The following DDX19B variants were observed in gnomAD, a reference collection of about 807,000 sequenced individuals.
DDX19B encodes the protein DEAD-box helicase 19B, also known as ATP-dependent RNA helicase DDX19B.
A neutral mutation model predicts 58.1 loss-of-function variants in DDX19B; 27 were observed. That is an observed-to-expected ratio of 0.46 (90% confidence interval 0.34 to 0.64). The LOEUF (loss-of-function observed/expected upper bound fraction) is 0.64. Ranked by LOEUF, DDX19B falls within the 30% of genes least tolerant of loss-of-function variation. The pLI, the probability that DDX19B is intolerant of heterozygous loss-of-function variation, is 0.01. For missense variants in DDX19B, 399 were observed against 596.5 expected (o/e 0.67, Z 3.45); for synonymous variants, 187 against 214.4 (o/e 0.87, Z 1.12).
intron 5 of DDX19B, among the ~76,000 whole-genome samples, chr16:70,321,026 G>C (rs1430386161): frequency 6.7e-6 from 1 of 148,268 alleles, no homozygotes; most frequent in Non-Finnish European, 1.5e-5. Context: ...GCAATGGCGC[G>C]ATCTCGGTTC....
chr16:70,317,694 C>T (rs1962508775), intron 5 of DDX19B, 106 bp downstream of exon 5: 1 of 918,020 alleles, frequency 1.1e-6, no homozygotes, highest in South Asian at 1.8e-5. Context: ...ATCCCAGCAA[C>T]CTGAGAGGCA....
chr16:70,300,293 C>A lies in DDX19B; in HGVS notation c.57+939C>A, dbSNP rs941607845. On this transcript the variant is annotated intron_variant, in intron 1 of 11. Coordinates refer to ENST00000288071, the MANE Select transcript of DDX19B (RefSeq NM_007242.7). ...TGATCTTGGCTCACTGCAGTCTCTG[C>A]CTCCCAGGCTCAAGCCATCCTCCCA... Among the ~76,000 whole-genome samples, 4 of 151,934 alleles carry A rather than the reference C, an allele frequency of 2.6e-5. No individual in the cohort carries two copies. The East Asian group carries it at 7.7e-4, about 29-fold the overall frequency.
chr16:70,322,646 C>T (rs546442950), intron 5 of DDX19B, among the ~76,000 whole-genome samples: 1 of 143,598 alleles, frequency 7.0e-6, no homozygotes, highest in East Asian at 2.1e-4. Context: ...GTAATCCCAA[C>T]ACTTTGGGAG....
At chr16:70,328,424 G>A (rs1286249073) in intron 7 of DDX19B, among the ~76,000 whole-genome samples, 3 of 144,700 alleles carry the variant, frequency 2.1e-5, no homozygotes, top group Non-Finnish European at 3.0e-5. Flanking sequence ...GTGCAGTGGC[G>A]CGATCTCGGC....
chr16:70,299,402 G>T (rs1466589064), intron 1 of DDX19B, 48 bp downstream of exon 1: 1 of 1,542,898 alleles, frequency 6.5e-7, no homozygotes, highest in Non-Finnish European at 8.7e-7. Flanking sequence ...GTTCTGGTCG[G>T]AGACTTGGTC....
At chr16:70,299,022 C>A, upstream of DDX19B, 1 of 701,786 alleles carries the variant, frequency 1.4e-6, no homozygotes, top group Non-Finnish European at 2.0e-6. Flanking sequence ...TTAACCAGAG[C>A]TTAGGCATTT....
At chr16:70,322,891 CAAAAAAAAAAA>C (rs113261271) in intron 5 of DDX19B, among the ~76,000 whole-genome samples, 494 of 48,172 alleles carry the variant, frequency 0.01, 10 homozygotes, top group African/African-American at 0.03. Context: ...AACTCCGTTG[CAAAAAAAAAAA>C]AAAAAAAAAA....
intron 3 of DDX19B, among the ~76,000 whole-genome samples, chr16:70,315,420 A>G (rs562661294): frequency 6.6e-6 from 1 of 151,698 alleles, no homozygotes; most frequent in East Asian, 1.9e-4. Context: ...CAATATAAAT[A>G]GTCAGTAGGT....
intron 2 of DDX19B, 49 bp downstream of exon 2, chr16:70,312,706 T>G: frequency 1.9e-6 from 3 of 1,554,016 alleles, no homozygotes; most frequent in East Asian, 2.3e-5. Context: ...TCCTTCAGTA[T>G]TTTTGTTTTG....
At chr16:70,297,956 C>T (rs1303505183), upstream of DDX19B, among the ~76,000 whole-genome samples, 3 of 152,094 alleles carry the variant, frequency 2.0e-5, no homozygotes, top group Non-Finnish European at 4.4e-5. Context: ...TGGATTCAAG[C>T]GATCCTCCCA....
In DDX19B at chr16:70,299,296, C is replaced by G; in HGVS notation, c.-2C>G. ...ACGAGCGTCCCACCCGCGCCTGGGA[C>G]CATGGCCACTGACTCATGGGCCCTG... On this transcript the variant is annotated 5_prime_UTR_variant, in exon 1 of 12. Coordinates refer to ENST00000288071, the MANE Select transcript of DDX19B (RefSeq NM_007242.7). 1.3e-6 allele frequency: 2 copies of G among 1,595,952 alleles called. No homozygotes were observed. The highest frequency in any genetic ancestry group is 1.7e-6 in the Non-Finnish European group (2 of 1,172,954).
In DDX19B at chr16:70,329,894, G is replaced by A. The variant is rs1303151729; in HGVS notation, c.849G>A (p.Lys283=). ...CCACCTTTGAAGACTCTGTGTGGAAGTTTGCCCAGAAAGTGGTCCCAGACC... is the reference window on the plus strand; with the variant it reads ...CCACCTTTGAAGACTCTGTGTGGAAATTTGCCCAGAAAGTGGTCCCAGACC... ...FSATFEDSVW[K]FAQKVVPDPN... is the part of the protein sequence containing the mutation. Residue 283 remains lysine (K), a synonymous_variant, in exon 9 of 12, where the codon AAG becomes AAA. Coordinates refer to ENST00000288071, the MANE Select transcript of DDX19B (RefSeq NM_007242.7). The A allele has an allele frequency of 5.0e-6, 8 of 1,614,128 alleles. No individual in the cohort carries two copies. The highest frequency in any genetic ancestry group is 5.9e-6 in the Non-Finnish European group (7 of 1,180,058).
At chr16:70,302,342 C>A (rs1459529120) in intron 1 of DDX19B, among the ~76,000 whole-genome samples, 2 of 152,136 alleles carry the variant, frequency 1.3e-5, no homozygotes, top group Non-Finnish European at 2.9e-5. Flanking sequence ...GTAACTACCA[C>A]CACAGGCAAC....
At position 70,329,943 on chromosome 16, in the gene DDX19B, G is replaced by T; in HGVS notation, c.898G>T (p.Glu300Ter). 6.2e-7 allele frequency: 1 copy of T among 1,614,228 alleles called. No homozygotes were observed. The highest frequency in any genetic ancestry group is 8.5e-7 in the Non-Finnish European group (1 of 1,180,044). Residue 300 changes from glutamate (E) to a stop codon, truncating the protein, a stop_gained, in exon 9 of 12, where the codon GAG (glutamate) becomes TAG (stop). Coordinates refer to ENST00000288071, the MANE Select transcript of DDX19B (RefSeq NM_007242.7). LOFTEE classifies it high-confidence loss of function. Reference sequence around the variant, plus strand: ...CCCAAACGTTATCAAACTGAAGCGTGAGGAAGAGACCCTGGACACCATCAA... The same window carrying T: ...CCCAAACGTTATCAAACTGAAGCGTTAGGAAGAGACCCTGGACACCATCAA... ...PDPNVIKLKREEETLDTIKQY... is the reference protein window; with the variant it reads ...PDPNVIKLKR
At chr16:70,315,789 T>C (rs1416177115) in intron 3 of DDX19B, 180 bp from the exon 4 acceptor site, 3 of 801,292 alleles carry the variant, frequency 3.7e-6, no homozygotes, top group Non-Finnish European at 5.5e-6. Context: ...AAATGGGTGA[T>C]GTATCATAAC....
chr16:70,294,355 A>C (rs1271415907), upstream of DDX19B, among the ~76,000 whole-genome samples: 1 of 152,162 alleles, frequency 6.6e-6, no homozygotes, highest in Non-Finnish European at 1.5e-5. Context: ...TGCTGGGATT[A>C]CAGGCGTGAG....
rs11324118 is a variant in DDX19B, at chr16:70,329,278, TG to T, written c.608-10del. 21,076 of 1,612,040 alleles carry T rather than the reference TG, an allele frequency of 0.013. 2,419 individuals carry two copies. In the African/African-American group the frequency reaches 0.25, roughly 19 times the overall value. ...AAATACCCACACATGGAAAACATCT[TG>T]GGGTCTCCACAGTGGAAAGAGGCCA... is the stretch of plus-strand genomic sequence containing the variant. On this transcript the variant is annotated splice_polypyrimidine_tract_variant and intron_variant, in intron 7 of 11. Transcript: ENST00000288071.
chr16:70,296,457 G>A (rs1458757597), upstream of DDX19B, among the ~76,000 whole-genome samples: 1 of 151,990 alleles, frequency 6.6e-6, no homozygotes, highest in Non-Finnish European at 1.5e-5. Flanking sequence ...TTTCCATAGT[G>A]TATAAAAGCA....
chr16:70,296,318 A>G (rs1173258711), upstream of DDX19B, among the ~76,000 whole-genome samples: 1 of 149,016 alleles, frequency 6.7e-6, no homozygotes, highest in Non-Finnish European at 1.5e-5. Flanking sequence ...TTTTTTTTTT[A>G]AGAGGCGATG....
Sources: gnomAD v4.1 joint callset for allele counts (sites outside exome capture counted in the v4.1 genomes callset) on GRCh38, gnomAD v4.1.1 for gene constraint, MANE v1.5 for transcripts, NCBI Gene and HGNC (gene_info 2026-07-23, HGNC 2026-07-21) for gene names.